Variants in CYP4F8 observed in about 807,000 individuals in gnomAD.
The protein encoded by CYP4F8 is cytochrome P450 4F8.
A neutral mutation model predicts 55.0 loss-of-function variants in CYP4F8; 56 were observed. The ratio of observed to expected loss-of-function variants is 1.02; its 90% CI spans 0.82 to 1.27. CYP4F8 has a LOEUF of 1.27. Ranked by LOEUF, CYP4F8 falls within the 50% of genes most tolerant of loss-of-function variation. CYP4F8 has a pLI of 0.00. For missense variants in CYP4F8, 680 were observed against 682.4 expected, an observed-to-expected ratio of 1.00 and a Z score of 0.04; for synonymous variants, 288 against 267.3, an observed-to-expected ratio of 1.08 and a Z score of -0.76.
At position 15,629,466 on chromosome 19, in the gene CYP4F8, C is replaced by G. The variant is rs923235760; in HGVS notation, c.*108C>G. The G allele has an allele frequency of 3.6e-6, 5 of 1,393,700 alleles. No individual in the cohort carries two copies. The highest frequency in any genetic ancestry group is 4.7e-6 in the Non-Finnish European group (5 of 1,061,324). The allele number at this position is 1,393,700 out of a possible 1,614,324, so 86.3% of individuals were successfully genotyped here. A position where few individuals can be genotyped will look rare whatever the true frequency, so the allele number is the denominator to read the frequency against. On this transcript the variant is annotated 3_prime_UTR_variant, in exon 13 of 13. Coordinates refer to ENST00000612078, the MANE Select transcript of CYP4F8 (RefSeq NM_007253.4). ...TGTTGGCCCCTGTGCCTCAGTCCCGCGGATGGCCAGTAGGGGGCGCTGGAG... is the reference window on the plus strand; with the variant it reads ...TGTTGGCCCCTGTGCCTCAGTCCCGGGGATGGCCAGTAGGGGGCGCTGGAG...
At chr19:15,615,840 T>G (rs778970686) in intron 2 of CYP4F8, 26 bp downstream of exon 2, 1 of 1,586,250 alleles carries the variant, frequency 6.3e-7, no homozygotes, top group Non-Finnish European at 8.6e-7. Context: ...ATGGATCTAG[T>G]GTCTCAGGGT....
chr19:15,629,080 CT>C (rs1188767160), intron 12 of CYP4F8, 112 bp from the exon 13 acceptor site: 33 of 1,418,578 alleles, frequency 2.3e-5, no homozygotes, highest in South Asian at 1.9e-4. Flanking sequence ...AGCTTCCCCC[CT>C]GTCTGCCCAA....
chr19:15,618,477 G>A (rs1972152776), intron 3 of CYP4F8: 1 of 411,022 alleles, frequency 2.4e-6, no homozygotes, highest in African/African-American at 2.0e-5. Flanking sequence ...GAATGGGCCA[G>A]GAGGAGATAG....
At chr19:15,620,638 C>T (rs1026146393) in intron 5 of CYP4F8, among the ~76,000 whole-genome samples, 1 of 152,112 alleles carries the variant, frequency 6.6e-6, no homozygotes, top group Non-Finnish European at 1.5e-5. Flanking sequence ...GTGATCTGCC[C>T]TCCTCGGCCT....
At chr19:15,625,471 ATATG>A (rs1415728946) in intron 9 of CYP4F8, among the ~76,000 whole-genome samples, 1 of 150,978 alleles carries the variant, frequency 6.6e-6, no homozygotes, top group Non-Finnish European at 1.5e-5. Flanking sequence ...CCATATATAT[ATATG>A]CCTATCTTAG....
At chr19:15,623,028 G>T in intron 6 of CYP4F8, 77 bp from the exon 7 acceptor site, 2 of 1,510,492 alleles carry the variant, frequency 1.3e-6, no homozygotes, top group Non-Finnish European at 1.8e-6. Context: ...ATGTGGTCCT[G>T]GGATTCTGGC....
intron 9 of CYP4F8, among the ~76,000 whole-genome samples, chr19:15,625,330 GTATA>G (rs34110364): frequency 1.3e-4 from 19 of 146,106 alleles, no homozygotes; most frequent in African/African-American, 2.7e-4. Context: ...CTATGTGTGT[GTATA>G]TATATATATA....
At chr19:15,622,772 T>C (rs1004865775) in intron 6 of CYP4F8, 3 of 415,486 alleles carry the variant, frequency 7.2e-6, no homozygotes, top group African/African-American at 4.0e-5. Context: ...CTATGGAAGA[T>C]TGACTGTCAT....
chr19:15,623,639 C>G, intron 7 of CYP4F8, 60 bp from the exon 8 acceptor site: 2 of 1,585,308 alleles, frequency 1.3e-6, no homozygotes, highest in African/African-American at 1.3e-5. Context: ...TCTTCAGAGA[C>G]TGTTTCAGTT....
rs746100555 is a variant in CYP4F8, at chr19:15,629,253, G to A, written c.1458G>A (p.Leu486=). Residue 486 remains leucine (L), a synonymous_variant, in exon 13 of 13, where the codon CTG becomes CTA. Transcript: ENST00000612078. ...AEMKVVLALT[L]LRFRILPDHR... is the part of the protein sequence containing the mutation. ...TGAAGGTGGTCCTGGCGCTCACGCT[G>A]CTGCGCTTCCGCATCCTGCCCGACC... 1 of 1,613,480 alleles carries A rather than the reference G, an allele frequency of 6.2e-7. No homozygotes were observed. Among genetic ancestry groups the A allele is most frequent in the South Asian group, 1.1e-5 (1 of 90,922 alleles).
intron 2 of CYP4F8, among the ~76,000 whole-genome samples, chr19:15,616,666 T>C (rs927642207): frequency 4.6e-5 from 7 of 152,244 alleles, no homozygotes; most frequent in African/African-American, 1.4e-4. Flanking sequence ...ATGTGTGCCA[T>C]CTCCACCCTC....
Position 15,618,070 on chromosome 19 carries a change from G to A in CYP4F8, c.269G>A (p.Arg90Lys). The change falls in exon 3 of 13, where the codon AGG becomes AAG. Residue 90 changes from arginine (R) to lysine (K), a missense_variant. By Grantham distance (26) the Arg-to-Lys change is conservative. Coordinates refer to ENST00000612078, the MANE Select transcript of CYP4F8 (RefSeq NM_007253.4). ...GCCACCTACCCCCAGGGCTTTGTGA[G>A]GTGGTTGGGCCCCATCACTCCCATC... is the stretch of plus-strand genomic sequence containing the variant. ...LVATYPQGFV[R>K]WLGPITPIIN... The A allele has an allele frequency of 1.2e-6, 2 of 1,614,088 alleles. No homozygotes were observed. Among genetic ancestry groups the A allele is most frequent in the African/African-American group, 1.3e-5 (1 of 75,012 alleles).
intron 6 of CYP4F8, 104 bp downstream of exon 6, chr19:15,622,444 G>A (rs1972206856): frequency 2.0e-6 from 3 of 1,487,512 alleles, no homozygotes; most frequent in African/African-American, 2.8e-5. Flanking sequence ...GAGAGATGAT[G>A]AGAACTAGGC....
chr19:15,618,765 G>A, intron 3 of CYP4F8: 1 of 213,858 alleles, frequency 4.7e-6, no homozygotes, highest in Non-Finnish European at 9.4e-6. Flanking sequence ...TTCACCTCTT[G>A]TGGGTCGATT....
rs372626272 is a variant in CYP4F8, at chr19:15,622,238, C to T, written c.545C>T (p.Ala182Val). 41 of 1,613,344 alleles carry T rather than the reference C, an allele frequency of 2.5e-5. No homozygotes were observed. The highest frequency in any genetic ancestry group is 3.3e-5 in the Admixed American group (2 of 59,948). The stretch of plus-strand genomic sequence containing the variant: ...GGCCAGGCCAAGTGGCAACGCCTGG[C>T]CATGGAGGGCAGCACCTGTCTGGAT... Reference protein sequence around the residue: ...NIMHAKWQRLAMEGSTCLDVF... With the variant: ...NIMHAKWQRLVMEGSTCLDVF... The change falls in exon 6 of 13, where the codon GCC (alanine) becomes GTC (valine). Residue 182 changes from alanine (A) to valine (V), a missense_variant. Physicochemically the swap from Ala to Val is moderately conservative, Grantham distance 64 (BLOSUM62 0). Transcript: ENST00000612078.
At chr19:15,628,976 T>C (rs1445794298) in intron 12 of CYP4F8, 133 bp downstream of exon 12, 3 of 1,263,454 alleles carry the variant, frequency 2.4e-6, no homozygotes, top group East Asian at 4.9e-5. Flanking sequence ...AAAAAGGGTG[T>C]GCTCAGAGCC....
In CYP4F8 at chr19:15,628,752, C is replaced by T; in HGVS notation, c.1315-9C>T. Reference sequence around the variant, plus strand: ...CCCCATCAGCAGCCTTAACTTGCCTCCACCCCAGGTCTATGACCCCTTCCG... The same window carrying T: ...CCCCATCAGCAGCCTTAACTTGCCTTCACCCCAGGTCTATGACCCCTTCCG... On this transcript the variant is annotated splice_polypyrimidine_tract_variant and intron_variant, in intron 11 of 12. Transcript: ENST00000612078. 6.2e-7 allele frequency: 1 copy of T among 1,613,522 alleles called. No individual in the cohort carries two copies. Among genetic ancestry groups the T allele is most frequent in the East Asian group, 2.2e-5 (1 of 44,842 alleles).
intron 8 of CYP4F8, 35 bp downstream of exon 8, chr19:15,623,800 G>A (rs374510242): frequency 3.7e-4 from 592 of 1,611,762 alleles, no homozygotes; most frequent in Non-Finnish European, 4.9e-4. Context: ...AGTGGGGACA[G>A]GGGTCTCTCC....
chr19:15,623,518 T>G (rs1404008114), intron 7 of CYP4F8, 143 bp downstream of exon 7: 2 of 1,046,886 alleles, frequency 1.9e-6, no homozygotes, highest in Non-Finnish European at 2.6e-6. Flanking sequence ...AGATAAATTT[T>G]AGAGGTGATT....
Sources: allele counts gnomAD v4.1 joint callset (sites outside exome capture counted in the v4.1 genomes callset), GRCh38; gene constraint gnomAD v4.1.1; transcripts MANE v1.5; gene names NCBI Gene and HGNC (gene_info 2026-07-23, HGNC 2026-07-21).